The following HIKESHI variants were observed in gnomAD, a reference collection of about 807,000 sequenced individuals.
The protein encoded by HIKESHI is heat shock protein nuclear import factor hikeshi.
In HIKESHI, 13 loss-of-function variants were observed where a neutral mutation model predicts 25.7. The ratio of observed to expected loss-of-function variants is 0.51; its 90% confidence interval spans 0.33 to 0.80. The LOEUF (loss-of-function observed/expected upper bound fraction) is 0.80. Among genes scored for constraint, HIKESHI ranks in the 30% least tolerant of loss-of-function variants. The probability of loss-of-function intolerance (pLI) is 0.02; values close to 1 mark genes in which losing one functional copy is unlikely to be tolerated. For synonymous variants in HIKESHI, 76 were observed against 78.7 expected (o/e 0.97, Z 0.18); for missense variants, 174 against 229.5 (o/e 0.76, Z 1.56).
At chr11:86,342,878 TTCATAATAA>T (rs1947772461) in intron 3 of HIKESHI, among the ~76,000 whole-genome samples, 5 of 152,224 alleles carry the variant, frequency 3.3e-5, no homozygotes, top group African/African-American at 1.2e-4. Flanking sequence ...ATAGGTATTC[TTCATAATAA>T]TTGTGTAGGT....
At chr11:86,315,115 T>G (rs1314361804) in intron 2 of HIKESHI, among the ~76,000 whole-genome samples, 1 of 152,186 alleles carries the variant, frequency 6.6e-6, no homozygotes. Context: ...AAGTAGACAG[T>G]GTATCTGTAA....
At chr11:86,331,316 C>T (rs1947418470) in intron 2 of HIKESHI, among the ~76,000 whole-genome samples, 1 of 152,172 alleles carries the variant, frequency 6.6e-6, no homozygotes, top group South Asian at 2.1e-4. Context: ...TTGTGAAACC[C>T]CATGTCTACT....
chr11:86,319,244 T>TATATATA (rs1331217688), intron 2 of HIKESHI, among the ~76,000 whole-genome samples: 7 of 100,226 alleles, frequency 7.0e-5, no homozygotes, highest in African/African-American at 2.2e-4. Flanking sequence ...ATATATATAT[T>TATATATA]TTTTTTTTTT....
rs1173916413 is a variant in HIKESHI at position 86,326,534 on chromosome 11, GC to G, written c.269-10844del. ...TCAGGTAATTATTGAACATCTACTT[GC>G]TGCCTACTTTCAACATCTGCATGTG... On this transcript the variant is annotated intron_variant, in intron 2 of 4. Transcript: ENST00000278483. 8.8e-6 allele frequency: 4 copies of G among 456,030 alleles called. No individual in the cohort carries two copies. The East Asian group carries it at 2.8e-4, about 32-fold the overall frequency. 28.2% of individuals were successfully genotyped at this position (456,030 alleles called of 1,614,324 possible). A position where few individuals can be genotyped will look rare whatever the true frequency, so the allele number is the denominator to read the frequency against.
At chr11:86,326,892 A>G (rs1322829876) in intron 2 of HIKESHI, among the ~76,000 whole-genome samples, 1 of 152,008 alleles carries the variant, frequency 6.6e-6, no homozygotes, top group Non-Finnish European at 1.5e-5. Flanking sequence ...GTGGGGTTTA[A>G]ATTTTTTCTT....
At chr11:86,308,519 TC>T (rs1946743648) in intron 2 of HIKESHI, among the ~76,000 whole-genome samples, 1 of 141,132 alleles carries the variant, frequency 7.1e-6, no homozygotes, top group Admixed American at 7.4e-5. Flanking sequence ...CTGCCAATGT[TC>T]TTCTTTTGGT....
chr11:86,339,261 G>C (rs1433643117), intron 3 of HIKESHI, among the ~76,000 whole-genome samples: 1 of 152,094 alleles, frequency 6.6e-6, no homozygotes, highest in Non-Finnish European at 1.5e-5. Flanking sequence ...TGTTAGCCAC[G>C]ATGGTCTCGA....
At chr11:86,338,003 A>G (rs762128241) in intron 3 of HIKESHI, among the ~76,000 whole-genome samples, 40 of 152,088 alleles carry the variant, frequency 2.6e-4, no homozygotes, top group Non-Finnish European at 5.3e-4. Context: ...CATATCAGTC[A>G]CCTCACACAG....
chr11:86,313,544 C>T (rs1206680079), intron 2 of HIKESHI, among the ~76,000 whole-genome samples: 1 of 152,116 alleles, frequency 6.6e-6, no homozygotes, highest in Non-Finnish European at 1.5e-5. Flanking sequence ...GATATATTCT[C>T]CTACAAACTG....
intron 1 of HIKESHI, among the ~76,000 whole-genome samples, chr11:86,303,073 G>A (rs893309365): frequency 2.6e-5 from 4 of 152,158 alleles, no homozygotes; most frequent in Non-Finnish European, 5.9e-5. Context: ...AGAAGGATGC[G>A]AGTAGTGTGT....
At chr11:86,333,715 A>G (rs1181581456) in intron 2 of HIKESHI, among the ~76,000 whole-genome samples, 1 of 152,254 alleles carries the variant, frequency 6.6e-6, no homozygotes, top group Non-Finnish European at 1.5e-5. Context: ...ATATGGTTTT[A>G]TAAATAGACA....
At chr11:86,333,046 T>C (rs1195902670) in intron 2 of HIKESHI, among the ~76,000 whole-genome samples, 1 of 152,038 alleles carries the variant, frequency 6.6e-6, no homozygotes, top group African/African-American at 2.4e-5. Context: ...GAGAAGAAAA[T>C]TGACAGAGGA....
At chr11:86,337,744 G>A (rs369678376) in intron 3 of HIKESHI, among the ~76,000 whole-genome samples, 40 of 152,088 alleles carry the variant, frequency 2.6e-4, no homozygotes, top group African/African-American at 9.7e-5. Context: ...TGCAATTTCC[G>A]CCTCCCGGGT....
chr11:86,325,319 C>T (rs1947250982), intron 2 of HIKESHI, among the ~76,000 whole-genome samples: 1 of 152,060 alleles, frequency 6.6e-6, no homozygotes, highest in African/African-American at 2.4e-5. Flanking sequence ...GGGAGAACTA[C>T]ATGTACTTGT....
Position 86,344,652 on chromosome 11 carries a change from C to T in HIKESHI, c.470C>T (p.Ala157Val). Residue 157 changes from alanine to valine, a missense_variant, in exon 4 of 5, where the codon GCT becomes GTT. Coordinates refer to ENST00000278483, the MANE Select transcript of HIKESHI (RefSeq NM_016401.4). ...DNFYNFASSF[A>V]VSQAQMTPSP... ...TTCTACAATTTTGCTTCATCATTTG[C>T]TGTCTCTCAGGCCCAGATGACACCA... The T allele has an allele frequency of 1.2e-6, 2 of 1,610,800 alleles. No homozygotes were observed. The highest frequency in any genetic ancestry group is 8.5e-7 in the Non-Finnish European group (1 of 1,178,084).
intron 4 of HIKESHI, chr11:86,345,367 T>C: frequency 2.4e-6 from 1 of 417,930 alleles, no homozygotes; most frequent in Non-Finnish European, 4.2e-6. Context: ...TGATTTGTGC[T>C]CTCTGATAAA....
At chr11:86,320,753 C>G (rs948308257) in intron 2 of HIKESHI, among the ~76,000 whole-genome samples, 17 of 152,280 alleles carry the variant, frequency 1.1e-4, no homozygotes, top group Admixed American at 1.1e-3. Context: ...TCCACCACCT[C>G]TTCTCCACTC....
At chr11:86,328,872 C>T (rs1024991070) in intron 2 of HIKESHI, among the ~76,000 whole-genome samples, 4 of 151,372 alleles carry the variant, frequency 2.6e-5, no homozygotes, top group Admixed American at 1.3e-4. Context: ...CCACTGCGCT[C>T]GGCCCCACAT....
At chr11:86,308,236 T>TTACATATAAAAAA (rs1946724424) in intron 2 of HIKESHI, among the ~76,000 whole-genome samples, 12 of 11,740 alleles carry the variant, frequency 1.0e-3, no homozygotes, top group African/African-American at 1.4e-3. Flanking sequence ...AAAATATATA[T>TTACATATAAAAAA]TATATATAAA....
Sources: allele counts gnomAD v4.1 joint callset (sites outside exome capture counted in the v4.1 genomes callset), GRCh38; gene constraint gnomAD v4.1.1; transcripts MANE v1.5; gene names NCBI Gene and HGNC (gene_info 2026-07-23, HGNC 2026-07-21).